The following PCDH7 variants were observed in gnomAD, a reference collection of about 807,000 sequenced individuals.
PCDH7 encodes protocadherin 7.
In PCDH7, 17 loss-of-function variants were observed where a neutral mutation model predicts 58.9. The ratio of observed to expected loss-of-function variants is 0.29; its 90% CI spans 0.20 to 0.43. The LOEUF (loss-of-function observed/expected upper bound fraction) is 0.43. Among genes scored for constraint, PCDH7 ranks in the 20% least tolerant of loss-of-function variants. The pLI is 1.00. For missense variants in PCDH7, 1,274 were observed against 1,441.0 expected (o/e 0.88, Z 1.88); for synonymous variants, 664 against 616.4 (o/e 1.08, Z -1.14).
intron 1 of PCDH7, among the ~76,000 whole-genome samples, chr4:30,894,490 A>AAATATAT (rs1553909431): frequency 6.0e-5 from 2 of 33,520 alleles, no homozygotes; most frequent in Non-Finnish European, 1.2e-4. Flanking sequence ...AAAAAAAAAA[A>AAATATAT]ATATATATAT....
chr4:30,773,063 C>A (rs1721616930), intron 1 of PCDH7, among the ~76,000 whole-genome samples: 1 of 152,050 alleles, frequency 6.6e-6, no homozygotes, highest in Admixed American at 6.6e-5. Flanking sequence ...CACCACACAA[C>A]CAGCTAATTT....
At chr4:31,099,252 C>T (rs1370733391) in intron 3 of PCDH7, among the ~76,000 whole-genome samples, 1 of 152,094 alleles carries the variant, frequency 6.6e-6, no homozygotes, top group Non-Finnish European at 1.5e-5. Flanking sequence ...GTCACTGTGC[C>T]CTGTGTTGTA....
At chr4:30,736,394 C>A (rs1019948484), downstream of PCDH7, among the ~76,000 whole-genome samples, 1 of 152,028 alleles carries the variant, frequency 6.6e-6, no homozygotes, top group African/African-American at 2.4e-5. Context: ...GGAATTAAAA[C>A]TGTTTTTAAT....
intron 3 of PCDH7, among the ~76,000 whole-genome samples, chr4:30,956,998 TTC>T (rs1747933994): frequency 6.6e-6 from 1 of 152,178 alleles, no homozygotes. Context: ...ATTACAAATA[TTC>T]TTTGTAATCT....
intron 1 of PCDH7, among the ~76,000 whole-genome samples, chr4:30,889,837 T>A (rs1319870533): frequency 1.3e-5 from 2 of 152,144 alleles, no homozygotes; most frequent in Non-Finnish European, 2.9e-5. Flanking sequence ...GGTTCCAATA[T>A]ACAAATTTGG....
At chr4:30,789,838 A>G (rs967058590) in intron 1 of PCDH7, among the ~76,000 whole-genome samples, 3 of 152,162 alleles carry the variant, frequency 2.0e-5, no homozygotes, top group Non-Finnish European at 4.4e-5. Context: ...ACTTCCACCT[A>G]CCAAATCTCT....
At chr4:30,871,953 T>C (rs929312370) in intron 1 of PCDH7, among the ~76,000 whole-genome samples, 2 of 152,072 alleles carry the variant, frequency 1.3e-5, no homozygotes. Flanking sequence ...TGTCCTTACA[T>C]GGTGTTTTCA....
chr4:30,772,655 C>T (rs1721565144), intron 1 of PCDH7, among the ~76,000 whole-genome samples: 1 of 152,138 alleles, frequency 6.6e-6, no homozygotes, highest in African/African-American at 2.4e-5. Flanking sequence ...GACTGTGACT[C>T]TAGCAAGGCA....
At chr4:30,810,231 CTG>C (rs1251149592) in intron 1 of PCDH7, among the ~76,000 whole-genome samples, 11 of 152,106 alleles carry the variant, frequency 7.2e-5, no homozygotes, top group Admixed American at 2.0e-4. Context: ...TCTCACTAGA[CTG>C]AGACATCTTG....
chr4:31,136,289 C>T (rs548721352), intron 3 of PCDH7, among the ~76,000 whole-genome samples: 1 of 152,288 alleles, frequency 6.6e-6, no homozygotes, highest in South Asian at 2.1e-4. Context: ...TCTTTTATCC[C>T]ACAATAAATG....
intron 1 of PCDH7, among the ~76,000 whole-genome samples, chr4:30,919,304 A>G (rs4235013): frequency 0.69 from 105,534 of 151,910 alleles, 36,694 homozygotes; most frequent in East Asian, 0.78. Context: ...ATTTTAATTT[A>G]TTTTATTTTG....
chr4:31,070,565 G>T lies in PCDH7; in HGVS notation c.*8-71908G>T, dbSNP rs545545412. 2.0e-4 allele frequency among the ~76,000 whole-genome samples: 30 copies of T among 152,168 alleles called. No individual in the cohort carries two copies. The South Asian group carries it at 5.8e-3, about 29-fold the overall frequency. ...GCTGAATGTTTATATGCAGACATTT[G>T]CTCAAGCAAACCATTCTCTAAATAT... On this transcript the variant is annotated intron_variant, in intron 3 of 3. Coordinates refer to the PCDH7 transcript ENST00000509759.
chr4:30,904,766 A>G (rs1420183447), intron 1 of PCDH7, among the ~76,000 whole-genome samples: 2 of 152,210 alleles, frequency 1.3e-5, no homozygotes, highest in Non-Finnish European at 2.9e-5. Context: ...AGTTAAAACA[A>G]ATGAGTGATG....
intron 3 of PCDH7, among the ~76,000 whole-genome samples, chr4:30,986,481 A>G (rs1750977006): frequency 6.6e-6 from 1 of 152,144 alleles, no homozygotes; most frequent in African/African-American, 2.4e-5. Flanking sequence ...TCACTATTAT[A>G]TAGATATTGT....
intron 1 of PCDH7, among the ~76,000 whole-genome samples, chr4:30,876,532 A>G (rs1426003414): frequency 6.6e-6 from 1 of 152,096 alleles, no homozygotes; most frequent in Non-Finnish European, 1.5e-5. Flanking sequence ...ATACTTTGTT[A>G]TAATACTGTA....
intron 1 of PCDH7, among the ~76,000 whole-genome samples, chr4:30,914,454 T>G (rs1742163388): frequency 6.6e-6 from 1 of 152,222 alleles, no homozygotes; most frequent in African/African-American, 2.4e-5. Flanking sequence ...ATATTCATGC[T>G]TAATGAATGA....
intron 3 of PCDH7, among the ~76,000 whole-genome samples, chr4:30,966,738 G>A (rs760459984): frequency 6.6e-6 from 1 of 152,078 alleles, no homozygotes; most frequent in Non-Finnish European, 1.5e-5. Context: ...ACTTGGCCTT[G>A]TTGCAAATAG....
intron 1 of PCDH7, among the ~76,000 whole-genome samples, chr4:30,870,948 C>T (rs554258826): frequency 3.9e-5 from 6 of 152,218 alleles, no homozygotes; most frequent in Middle Eastern, 3.4e-3. Flanking sequence ...CTTTTATGTG[C>T]AATACTTAGC....
chr4:31,114,629 ACAAAC>A (rs1716758128), intron 3 of PCDH7, among the ~76,000 whole-genome samples: 2 of 110,012 alleles, frequency 1.8e-5, no homozygotes, highest in African/African-American at 3.6e-5. Flanking sequence ...ACTCACACAT[ACAAAC>A]ACACACACAC....
Sources: gnomAD v4.1 joint callset for allele counts (sites outside exome capture counted in the v4.1 genomes callset) on GRCh38, gnomAD v4.1.1 for gene constraint, MANE v1.5 for transcripts, NCBI Gene and HGNC (gene_info 2026-07-23, HGNC 2026-07-21) for gene names.